Variants in C8orf34 observed in about 807,000 individuals in gnomAD.
The protein encoded by C8orf34 is chromosome 8 open reading frame 34, also known as uncharacterized protein C8orf34.
Under a neutral mutation model 68.3 loss-of-function variants are expected in C8orf34, and 65 were observed. That is an observed-to-expected ratio of 0.95 (90% CI 0.78 to 1.17). C8orf34 has a LOEUF of 1.17. Among genes scored for constraint, C8orf34 ranks in the 50% most tolerant of loss-of-function variants. The pLI, the probability that C8orf34 is intolerant of heterozygous loss-of-function variation, is 0.00. For synonymous variants in C8orf34, 244 were observed against 241.2 expected, an observed-to-expected ratio of 1.01 and a Z score of -0.11; for missense variants, 664 against 655.4, an observed-to-expected ratio of 1.01 and a Z score of -0.14.
chr8:68,431,895 T>C (rs1810466886), intron 1 of C8orf34, among the ~76,000 whole-genome samples: 1 of 152,226 alleles, frequency 6.6e-6, no homozygotes, highest in Non-Finnish European at 1.5e-5. Flanking sequence ...AATTTATTCT[T>C]TTATTTTTCC....
At chr8:68,596,165 C>T (rs1817540918) in intron 7 of C8orf34, among the ~76,000 whole-genome samples, 1 of 151,834 alleles carries the variant, frequency 6.6e-6, no homozygotes, top group Non-Finnish European at 1.5e-5. Context: ...TTGACTGATC[C>T]CTGGGCAAAG....
chr8:68,787,347 TGAAGATGCAG>T, intron 11 of C8orf34, 86 bp from the exon 12 acceptor site: 1 of 698,278 alleles, frequency 1.4e-6, no homozygotes, highest in Non-Finnish European at 2.3e-6. Context: ...TGATGGTTTT[TGAAGATGCAG>T]TTCATAAAGA....
At chr8:68,733,270 A>G (rs1018852981) in intron 10 of C8orf34, among the ~76,000 whole-genome samples, 3 of 152,194 alleles carry the variant, frequency 2.0e-5, no homozygotes, top group Admixed American at 6.5e-5. Context: ...CAACTTATAC[A>G]TGAGAAAACT....
At chr8:68,633,654 C>T (rs923354212) in intron 7 of C8orf34, among the ~76,000 whole-genome samples, 2 of 152,092 alleles carry the variant, frequency 1.3e-5, no homozygotes, top group African/African-American at 4.8e-5. Flanking sequence ...AAATTTTTAT[C>T]TACTTGCAAC....
At chr8:68,371,522 G>A (rs1344859565) in intron 1 of C8orf34, among the ~76,000 whole-genome samples, 1 of 151,562 alleles carries the variant, frequency 6.6e-6, no homozygotes, top group East Asian at 1.9e-4. Flanking sequence ...TATGACTAGT[G>A]TTGAAGCTTT....
chr8:68,728,916 G>A (rs1230881863), intron 10 of C8orf34, among the ~76,000 whole-genome samples: 1 of 152,172 alleles, frequency 6.6e-6, no homozygotes, highest in Non-Finnish European at 1.5e-5. Context: ...CTACTCACAA[G>A]TAGTGAAGTT....
intron 1 of C8orf34, among the ~76,000 whole-genome samples, chr8:68,406,671 T>G (rs1809210109): frequency 3.3e-5 from 5 of 151,990 alleles, no homozygotes; most frequent in Admixed American, 2.6e-4. Flanking sequence ...AATTTTTATA[T>G]TTTTAGTAGA....
At chr8:68,422,857 G>A (rs2129623768) in intron 1 of C8orf34, among the ~76,000 whole-genome samples, 2 of 152,258 alleles carry the variant, frequency 1.3e-5, no homozygotes, top group Middle Eastern at 6.8e-3. Context: ...TGTCTTCTGT[G>A]CACCTACAGG....
chr8:68,371,059 T>C (rs932572070), intron 1 of C8orf34, among the ~76,000 whole-genome samples: 1 of 152,090 alleles, frequency 6.6e-6, no homozygotes, highest in Non-Finnish European at 1.5e-5. Context: ...TCAGGGCCCT[T>C]GATCAAGGGA....
intron 8 of C8orf34, among the ~76,000 whole-genome samples, chr8:68,671,437 C>T (rs920154354): frequency 2.0e-5 from 3 of 152,086 alleles, no homozygotes; most frequent in African/African-American, 4.8e-5. Flanking sequence ...ACTTTAATGG[C>T]ATGTTAGAGC....
At chr8:68,727,437 T>A (rs7834973) in intron 10 of C8orf34, among the ~76,000 whole-genome samples, 1 of 151,928 alleles carries the variant, frequency 6.6e-6, no homozygotes. Flanking sequence ...TGGCGCAAGC[T>A]GTCAGTGGAT....
At chr8:68,617,574 G>C (rs1818262856) in intron 7 of C8orf34, among the ~76,000 whole-genome samples, 1 of 152,130 alleles carries the variant, frequency 6.6e-6, no homozygotes, top group Admixed American at 6.5e-5. Context: ...GAAATTCTGG[G>C]TTGAAAATTC....
chr8:68,726,220 G>C (rs1225376280), intron 10 of C8orf34, among the ~76,000 whole-genome samples: 1 of 152,070 alleles, frequency 6.6e-6, no homozygotes, highest in Non-Finnish European at 1.5e-5. Flanking sequence ...CAATATCAAA[G>C]GTAGAATTAT....
chr8:68,705,976 A>C (rs564524594), intron 8 of C8orf34, among the ~76,000 whole-genome samples: 1 of 152,134 alleles, frequency 6.6e-6, no homozygotes, highest in East Asian at 1.9e-4. Flanking sequence ...ATAATTCTGG[A>C]GGTGGTGTGT....
At chr8:68,544,634 A>G (rs1815810463) in intron 7 of C8orf34, among the ~76,000 whole-genome samples, 2 of 152,210 alleles carry the variant, frequency 1.3e-5, no homozygotes, top group African/African-American at 2.4e-5. Context: ...TATTGTACAT[A>G]TTGTATGCAT....
chr8:68,739,103 TG>T (rs1822205538), intron 10 of C8orf34, among the ~76,000 whole-genome samples: 1 of 152,112 alleles, frequency 6.6e-6, no homozygotes, highest in African/African-American at 2.4e-5. Context: ...CACAATCAAG[TG>T]GGCTTTATCC....
chr8:68,666,793 T>C (rs1364356265), intron 8 of C8orf34, among the ~76,000 whole-genome samples: 1 of 152,224 alleles, frequency 6.6e-6, no homozygotes, highest in Non-Finnish European at 1.5e-5. Context: ...AATTGATTTT[T>C]CCTTCTTTTG....
chr8:68,342,364 G>T (rs1806106481), intron 1 of C8orf34, among the ~76,000 whole-genome samples: 1 of 152,092 alleles, frequency 6.6e-6, no homozygotes, highest in Admixed American at 6.6e-5. Flanking sequence ...AAAAACTTTT[G>T]CTCTGTGAAA....
chr8:68,487,814 C>T (rs746516460), intron 4 of C8orf34, among the ~76,000 whole-genome samples: 17 of 152,196 alleles, frequency 1.1e-4, no homozygotes, highest in Non-Finnish European at 2.2e-4. Flanking sequence ...TGCATTGCTT[C>T]AGCAGTTCAT....
Sources: gnomAD v4.1 joint callset for allele counts (sites outside exome capture counted in the v4.1 genomes callset) on GRCh38, gnomAD v4.1.1 for gene constraint, MANE v1.5 for transcripts, NCBI Gene and HGNC (gene_info 2026-07-23, HGNC 2026-07-21) for gene names.